ERRFI1: variants seen among roughly 807,000 people sequenced by gnomAD.
The protein encoded by ERRFI1 is ERBB receptor feedback inhibitor 1.
In ERRFI1, 12 loss-of-function variants were observed where a neutral mutation model predicts 14.6. The observed-to-expected ratio is 0.82, with a 90% CI of 0.53 to 1.33. The LOEUF (loss-of-function observed/expected upper bound fraction) is 1.33. Ranked by LOEUF, ERRFI1 falls within the 40% of genes most tolerant of loss-of-function variation. The pLI is 0.00. For synonymous variants in ERRFI1, 202 were observed against 209.9 expected (o/e 0.96, Z 0.32); for missense variants, 482 against 572.1 (o/e 0.84, Z 1.61).
At chr1:8,022,573 T>G (rs1429442292) in intron 1 of ERRFI1, among the ~76,000 whole-genome samples, 2 of 152,256 alleles carry the variant, frequency 1.3e-5, no homozygotes, top group East Asian at 3.8e-4. Flanking sequence ...TCTTCTGTAC[T>G]ATAATCCAGC....
At chr1:8,026,034 G>C (rs969179950) in intron 1 of ERRFI1, 124 bp downstream of exon 1, 3 of 151,688 alleles carry the variant, frequency 2.0e-5, no homozygotes, top group Admixed American at 6.6e-5. Context: ...CCCTCCCCGC[G>C]CCCTCCACGC....
Position 8,014,212 on chromosome 1 carries a change from T to G in ERRFI1, c.387A>C (p.Pro129=). Residue 129 remains proline (P), a synonymous_variant, in exon 4 of 4, where the codon CCA becomes CCC. Transcript: ENST00000377482. ...AAGGGGAGTTTTTTATGGGTGTCAGTGGAGGGGTGGAAGCACAAACCCCAT... is the reference window on the plus strand; with the variant it reads ...AAGGGGAGTTTTTTATGGGTGTCAGGGGAGGGGTGGAAGCACAAACCCCAT... ...TVNGVCASTP[P]LTPIKNSPSL... The G allele has an allele frequency of 6.2e-7, 1 of 1,613,954 alleles. No individual in the cohort carries two copies. Among genetic ancestry groups the G allele is most frequent in the Non-Finnish European group, 8.5e-7 (1 of 1,179,978 alleles).
intron 1 of ERRFI1, among the ~76,000 whole-genome samples, chr1:8,021,541 G>A (rs1270134179): frequency 2.6e-5 from 4 of 152,054 alleles, no homozygotes; most frequent in East Asian, 1.9e-4. Context: ...TAAAGACAAC[G>A]AGCACAATGG....
At chr1:8,017,186 G>C (rs1641188299) in intron 1 of ERRFI1, among the ~76,000 whole-genome samples, 1 of 151,744 alleles carries the variant, frequency 6.6e-6, no homozygotes, top group African/African-American at 2.4e-5. Context: ...CTCTGCAAGT[G>C]TTTATTATTA....
rs1641124951 is a variant in ERRFI1 at position 8,013,646 on chromosome 1, T to C, written c.953A>G (p.Lys318Arg). ...STYSDEDRPP[K>R]VPPREPLSPS... ...TGACAAAGGTTCTCTTGGCGGTACT[T>C]TGGGAGGCCTGTCTTCATCACTATA... The change falls in exon 4 of 4, where the codon AAA (lysine) becomes AGA (arginine). Residue 318 changes from lysine (K) to arginine (R), a missense_variant. Coordinates refer to ENST00000377482, the MANE Select transcript of ERRFI1 (RefSeq NM_018948.4). This position sits in a 1 kb window ranked among gnomAD's most constrained non-coding sequence, Gnocchi z 4.3. 2 of 1,614,092 alleles carry C rather than the reference T, an allele frequency of 1.2e-6. No individual in the cohort carries two copies. The highest frequency in any genetic ancestry group is 1.7e-6 in the Non-Finnish European group (2 of 1,180,024).
At chr1:8,022,922 T>C (rs1024349909) in intron 1 of ERRFI1, among the ~76,000 whole-genome samples, 2 of 152,068 alleles carry the variant, frequency 1.3e-5, no homozygotes, top group Non-Finnish European at 2.9e-5. Context: ...AGGAAGAGAA[T>C]AGCCAAGCAA....
At chr1:8,015,748 A>C in intron 1 of ERRFI1, 56 bp from the exon 2 acceptor site, 1 of 1,154,452 alleles carries the variant, frequency 8.7e-7, no homozygotes, top group Non-Finnish European at 1.2e-6. Flanking sequence ...TACCTCCATT[A>C]GGACAGTCTA....
intron 1 of ERRFI1, among the ~76,000 whole-genome samples, chr1:8,020,070 T>G (rs1323217440): frequency 6.7e-6 from 1 of 148,366 alleles, no homozygotes; most frequent in Non-Finnish European, 1.5e-5. Flanking sequence ...TCTTTGAAAC[T>G]GCTTAAAAAA....
rs780733738 is a variant in ERRFI1, at chr1:8,015,662, C to T, written c.-43G>A. On this transcript the variant is annotated 5_prime_UTR_variant, in exon 2 of 4. Transcript: ENST00000377482. The stretch of plus-strand genomic sequence containing the variant: ...CATCTCCAAACCTGTGAGGCCCAGG[C>T]ACTTTAAAATCAACCAGTAGCTTTC... 6.2e-7 allele frequency: 1 copy of T among 1,612,474 alleles called. No individual in the cohort carries two copies. Among genetic ancestry groups the T allele is most frequent in the East Asian group, 2.2e-5 (1 of 44,874 alleles).
rs896700827 is a variant in ERRFI1 at position 8,026,273 on chromosome 1, C to T, written c.-189G>A. 1 of 152,600 alleles carries T rather than the reference C, an allele frequency of 6.6e-6. No individual in the cohort carries two copies. The highest frequency in any genetic ancestry group is 1.5e-5 in the Non-Finnish European group (1 of 68,332). 9.5% of individuals were successfully genotyped at this position (152,600 alleles called of 1,614,324 possible). The stretch of plus-strand genomic sequence containing the variant: ...CGCAGGCGCCTCTTGCTGGCTCGCG[C>T]TCCCGCTAGCACTCTGCCTCGCACC... On this transcript the variant is annotated 5_prime_UTR_variant, in exon 1 of 4. Coordinates refer to ENST00000377482, the MANE Select transcript of ERRFI1 (RefSeq NM_018948.4).
At chr1:8,018,186 T>C (rs927938544) in intron 1 of ERRFI1, among the ~76,000 whole-genome samples, 4 of 152,064 alleles carry the variant, frequency 2.6e-5, no homozygotes, top group African/African-American at 9.7e-5. Flanking sequence ...GCAATATAAC[T>C]GCCATGTTCT....
rs1641142477 is a variant in ERRFI1, at chr1:8,014,413, ATAT to A, written c.203-20_203-18del. The A allele has an allele frequency of 2.0e-6, 3 of 1,536,324 alleles. No homozygotes were observed. Among genetic ancestry groups the A allele is most frequent in the Non-Finnish European group, 2.6e-6 (3 of 1,143,326 alleles). On this transcript the variant is annotated intron_variant, in intron 3 of 3. Coordinates refer to ENST00000377482, the MANE Select transcript of ERRFI1 (RefSeq NM_018948.4). ...AAGCATGCCCTGGAATGAACGAGAG[ATAT>A]TAATAAAAGATCAACAATCCTCTCT...
intron 1 of ERRFI1, among the ~76,000 whole-genome samples, chr1:8,022,490 G>A (rs1472326797): frequency 2.0e-5 from 3 of 152,184 alleles, no homozygotes; most frequent in Admixed American, 2.0e-4. Flanking sequence ...GCAGGGATTA[G>A]AATCTCCATT....
At chr1:8,018,171 G>C (rs1641209155) in intron 1 of ERRFI1, among the ~76,000 whole-genome samples, 1 of 152,030 alleles carries the variant, frequency 6.6e-6, no homozygotes, top group Admixed American at 6.6e-5. Flanking sequence ...TGGGAGACGA[G>C]GGGGGCAATA....
At position 8,013,629 on chromosome 1, in the gene ERRFI1, G is replaced by T. The variant is rs1641124414; in HGVS notation, c.970C>A (p.Pro324Thr). 5 of 1,614,030 alleles carry T rather than the reference G, an allele frequency of 3.1e-6. No homozygotes were observed. Among genetic ancestry groups the T allele is most frequent in the African/African-American group, 1.3e-5 (1 of 74,912 alleles). The change falls in exon 4 of 4, where the codon CCT (proline) becomes ACT (threonine). Residue 324 changes from proline to threonine, a missense_variant. Pro to Thr is a conservative substitution (Grantham distance 38, BLOSUM62 -1). Coordinates refer to ENST00000377482, the MANE Select transcript of ERRFI1 (RefSeq NM_018948.4). This position sits in a 1 kb window ranked among gnomAD's most constrained non-coding sequence, Gnocchi z 4.3. Reference protein sequence around the residue: ...DRPPKVPPREPLSPSNSRTPS... With the variant: ...DRPPKVPPRETLSPSNSRTPS... ...GTGCGCGAGTTACTCGGTGACAAAG[G>T]TTCTCTTGGCGGTACTTTGGGAGGC...
intron 3 of ERRFI1, 194 bp downstream of exon 3, chr1:8,015,112 CAG>C: frequency 1.7e-6 from 1 of 573,564 alleles, no homozygotes; most frequent in Non-Finnish European, 3.1e-6. Context: ...ATCAGTGACT[CAG>C]AATGAAGGCA....
At chr1:8,022,193 A>C (rs1641282710) in intron 1 of ERRFI1, among the ~76,000 whole-genome samples, 1 of 152,168 alleles carries the variant, frequency 6.6e-6, no homozygotes, top group African/African-American at 2.4e-5. Flanking sequence ...TCAGTCTTTA[A>C]CGATCCACGG....
intron 1 of ERRFI1, among the ~76,000 whole-genome samples, chr1:8,023,340 T>C (rs976371036): frequency 2.0e-5 from 3 of 152,178 alleles, no homozygotes; most frequent in Non-Finnish European, 4.4e-5. Context: ...TGCAGTCGTG[T>C]GATCTTGGCT....
intron 3 of ERRFI1, 73 bp from the exon 4 acceptor site, chr1:8,014,469 A>G: frequency 7.2e-7 from 1 of 1,387,708 alleles, no homozygotes; most frequent in South Asian, 1.4e-5. Flanking sequence ...AGAGCACCCC[A>G]GCTACCTATG....
Sources: gnomAD v4.1 joint callset for allele counts (sites outside exome capture counted in the v4.1 genomes callset) on GRCh38, gnomAD v4.1.1 for gene constraint, Gnocchi (gnomAD v3.1) non-coding constraint, MANE v1.5 for transcripts, NCBI Gene and HGNC (gene_info 2026-07-23, HGNC 2026-07-21) for gene names.